Variants in LDB2 observed in about 807,000 individuals in gnomAD.
LDB2 encodes the protein LIM domain-binding protein 2.
LDB2 carries 12 observed loss-of-function variants against 44.3 expected under a neutral mutation model. The observed-to-expected ratio is 0.27, with a 90% CI of 0.17 to 0.44. The LOEUF (loss-of-function observed/expected upper bound fraction) is 0.44, where lower values mean the gene tolerates loss of function less well. LDB2 is among the 20% of genes least tolerant of loss of function. LDB2 has a pLI of 1.00. For missense variants in LDB2, 344 were observed against 473.5 expected, an observed-to-expected ratio of 0.73 and a Z score of 2.54; for synonymous variants, 164 against 174.8, an observed-to-expected ratio of 0.94 and a Z score of 0.49.
In LDB2 at chr4:16,572,612, T is replaced by C. The variant is rs970170539; in HGVS notation, c.615+13310A>G. ...ATGTGTGTGTGTGTATTTTTTTTAA[T>C]GTGCTGATAGTCATTTTCTTTGGCC... On this transcript the variant is annotated intron_variant, in intron 5 of 7. Coordinates refer to ENST00000304523, the MANE Select transcript of LDB2 (RefSeq NM_001290.5). Among the ~76,000 whole-genome samples, 12 of 152,200 alleles carry C rather than the reference T, an allele frequency of 7.9e-5. No individual in the cohort carries two copies. In the East Asian group the frequency reaches 2.1e-3, roughly 27 times the overall value.
intron 1 of LDB2, among the ~76,000 whole-genome samples, chr4:16,782,902 G>A (rs1189061077): frequency 6.6e-6 from 1 of 151,932 alleles, no homozygotes; most frequent in Non-Finnish European, 1.5e-5. Context: ...TATTGGTGTA[G>A]ATAACTTTAG....
At chr4:16,875,260 G>A (rs896058552) in intron 1 of LDB2, among the ~76,000 whole-genome samples, 2 of 152,090 alleles carry the variant, frequency 1.3e-5, no homozygotes, top group Non-Finnish European at 2.9e-5. Flanking sequence ...TTCTGGGGCT[G>A]GCAAAATCTG....
chr4:16,547,567 C>T lies in LDB2; in HGVS notation c.616-35463G>A, dbSNP rs138464447. ...ACAGACAGCTCCTTCTCAAGACACA[C>T]ATCCAGCCTAGGGCTCCTGCCTGCT... On this transcript the variant is annotated intron_variant, in intron 5 of 7. Transcript: ENST00000304523. Among the ~76,000 whole-genome samples the T allele has an allele frequency of 1.2e-3, 183 of 152,272 alleles. 1 individual carries two copies. Among genetic ancestry groups the T allele is most frequent in the Non-Finnish European group, 2.2e-3 (153 of 68,018 alleles).
At chr4:16,646,859 G>A (rs942998451) in intron 2 of LDB2, among the ~76,000 whole-genome samples, 1 of 152,144 alleles carries the variant, frequency 6.6e-6, no homozygotes, top group African/African-American at 2.4e-5. Flanking sequence ...TAATAGAAAA[G>A]GGGAAAAGCA....
chr4:16,607,536 A>C (rs948497725), intron 2 of LDB2, among the ~76,000 whole-genome samples: 2 of 152,270 alleles, frequency 1.3e-5, no homozygotes, highest in Non-Finnish European at 2.9e-5. Context: ...CTTCAGCTGC[A>C]AAATGGCAAT....
At chr4:16,512,318 A>G (rs1722044124) in intron 5 of LDB2, 1 of 466,572 alleles carries the variant, frequency 2.1e-6, no homozygotes, top group South Asian at 2.9e-5. Context: ...GCTGAATGTG[A>G]TTCACACGGA....
At chr4:16,584,444 A>G (rs542412256) in intron 5 of LDB2, among the ~76,000 whole-genome samples, 1 of 152,350 alleles carries the variant, frequency 6.6e-6, no homozygotes, top group African/African-American at 2.4e-5. Flanking sequence ...TTCAAGTCCC[A>G]GTTCTGCCAC....
rs1264332975 is a variant in LDB2 at position 16,523,162 on chromosome 4, CAT to C, written c.616-11060_616-11059del. Among the ~76,000 whole-genome samples, 5 of 152,136 alleles carry C rather than the reference CAT, an allele frequency of 3.3e-5. No individual in the cohort carries two copies. The East Asian group carries it at 7.7e-4, about 23-fold the overall frequency. ...ACATATTTATTTTAAGAAATTGGCT[CAT>C]GTGATTTTATGGGTTACCAAGTCCC... On this transcript the variant is annotated intron_variant, in intron 5 of 7. Transcript: ENST00000304523.
chr4:16,659,059 G>A (rs942388545), intron 2 of LDB2, among the ~76,000 whole-genome samples: 2 of 152,174 alleles, frequency 1.3e-5, no homozygotes, highest in Non-Finnish European at 2.9e-5. Context: ...TTTTAAGGTT[G>A]GGGTTCTCTT....
chr4:16,890,522 G>A (rs545878475), intron 1 of LDB2, among the ~76,000 whole-genome samples: 2 of 152,268 alleles, frequency 1.3e-5, no homozygotes, highest in South Asian at 4.2e-4. Flanking sequence ...AATTAGGCTG[G>A]TCCAACGTGG....
intron 5 of LDB2, among the ~76,000 whole-genome samples, chr4:16,571,019 A>C (rs1474114715): frequency 2.0e-5 from 3 of 152,182 alleles, no homozygotes; most frequent in Non-Finnish European, 2.9e-5. Context: ...CCCTGGCATG[A>C]TAAGAAACTT....
chr4:16,586,093 G>A, intron 4 of LDB2, 88 bp from the exon 5 acceptor site: 1 of 947,164 alleles, frequency 1.1e-6, no homozygotes, highest in Middle Eastern at 2.2e-4. Context: ...GCTAAGAAAT[G>A]CAATCTCGAC....
intron 1 of LDB2, among the ~76,000 whole-genome samples, chr4:16,871,083 C>T (rs1268252122): frequency 1.3e-5 from 2 of 152,192 alleles, no homozygotes; most frequent in Non-Finnish European, 2.9e-5. Flanking sequence ...TGTGAGACAG[C>T]CTCTAACTTC....
intron 1 of LDB2, among the ~76,000 whole-genome samples, chr4:16,797,573 C>T (rs1297757456): frequency 6.6e-6 from 1 of 152,010 alleles, no homozygotes; most frequent in African/African-American, 2.4e-5. Context: ...ATTAATATGA[C>T]TAAAGAACTG....
chr4:16,514,120 C>A (rs1722797789), intron 5 of LDB2, among the ~76,000 whole-genome samples: 1 of 152,162 alleles, frequency 6.6e-6, no homozygotes, highest in Non-Finnish European at 1.5e-5. Flanking sequence ...CTCTCTTTGT[C>A]CAATCACAGT....
chr4:16,775,277 C>G (rs1355058997), intron 1 of LDB2, among the ~76,000 whole-genome samples: 1 of 152,136 alleles, frequency 6.6e-6, no homozygotes, highest in African/African-American at 2.4e-5. Context: ...CAGAGACGGT[C>G]CCAAAGCCAG....
chr4:16,574,087 T>C (rs1456758852), intron 5 of LDB2, among the ~76,000 whole-genome samples: 1 of 152,216 alleles, frequency 6.6e-6, no homozygotes, highest in African/African-American at 2.4e-5. Flanking sequence ...ACTATACTCC[T>C]GTTGCTATCA....
At chr4:16,784,003 C>T (rs1372817524) in intron 1 of LDB2, among the ~76,000 whole-genome samples, 2 of 152,182 alleles carry the variant, frequency 1.3e-5, no homozygotes, top group African/African-American at 4.8e-5. Context: ...GGACAAGAAT[C>T]AGATTATACA....
chr4:16,728,046 A>G (rs283016), intron 2 of LDB2, among the ~76,000 whole-genome samples: 40,517 of 152,040 alleles, frequency 0.27, 5,753 homozygotes, highest in Non-Finnish European at 0.33. Context: ...AAGATTTACT[A>G]TGGGGGAACT....
Sources: gnomAD v4.1 joint callset for allele counts (sites outside exome capture counted in the v4.1 genomes callset) on GRCh38, gnomAD v4.1.1 for gene constraint, MANE v1.5 for transcripts, NCBI Gene and HGNC (gene_info 2026-07-23, HGNC 2026-07-21) for gene names.